Variants in BDH2 observed in about 807,000 individuals in gnomAD.
The protein encoded by BDH2 is dehydrogenase/reductase SDR family member 6.
Under a neutral mutation model 33.2 loss-of-function variants are expected in BDH2, and 24 were observed. The observed-to-expected ratio is 0.72, with a 90% CI of 0.52 to 1.02. BDH2 has a LOEUF of 1.02. Ranked by LOEUF, BDH2 falls within the 50% of genes least tolerant of loss-of-function variation. The pLI is 0.00. For synonymous variants in BDH2, 81 were observed against 101.6 expected (o/e 0.80, Z 1.22); for missense variants, 249 against 301.6 (o/e 0.83, Z 1.29).
At chr4:103,085,736 C>CA (rs1389735107) in intron 6 of BDH2, 1 of 1,386,768 alleles carries the variant, frequency 7.2e-7, no homozygotes, top group Non-Finnish European at 9.5e-7. Context: ...CATCAGTTGC[C>CA]ATAACTCTTA....
intron 7 of BDH2, 130 bp downstream of exon 7, chr4:103,085,219 A>C: frequency 1.5e-6 from 1 of 681,150 alleles, no homozygotes; most frequent in Non-Finnish European, 2.5e-6. Flanking sequence ...GAGTCATTTT[A>C]TCTGTTGCAA....
At chr4:103,090,589 G>A (rs559658426) in intron 5 of BDH2, among the ~76,000 whole-genome samples, 2 of 152,330 alleles carry the variant, frequency 1.3e-5, no homozygotes, top group East Asian at 3.9e-4. Context: ...GGGTGACCTT[G>A]AGCAAGTTGT....
intron 4 of BDH2, chr4:103,091,876 A>C (rs1748115269): frequency 1.7e-5 from 7 of 421,640 alleles, no homozygotes; most frequent in South Asian, 1.2e-4. Flanking sequence ...AAGGAAAACA[A>C]GTGTCTGAAC....
At chr4:103,091,375 T>A in intron 4 of BDH2, 90 bp from the exon 5 acceptor site, 3 of 763,172 alleles carry the variant, frequency 3.9e-6, no homozygotes, top group Non-Finnish European at 6.8e-6. Context: ...CTTAGTGACT[T>A]AGACCACTGT....
intron 5 of BDH2, among the ~76,000 whole-genome samples, chr4:103,090,062 C>T (rs1748005348): frequency 1.3e-5 from 2 of 152,186 alleles, no homozygotes; most frequent in African/African-American, 4.8e-5. Flanking sequence ...AGCTCTTCTC[C>T]TGCCCAGACA....
Position 103,082,865 on chromosome 4 carries a change from A to G in BDH2, c.591+6T>C, listed in dbSNP as rs755443565. The G allele has an allele frequency of 6.2e-7, 1 of 1,604,182 alleles. No homozygotes were observed. Among genetic ancestry groups the G allele is most frequent in the Non-Finnish European group, 8.5e-7 (1 of 1,170,970 alleles). On this transcript the variant is annotated splice_donor_region_variant and intron_variant, in intron 8 of 9. Coordinates refer to ENST00000296424, the MANE Select transcript of BDH2 (RefSeq NM_020139.4). ...GGTTTAAATACATTTTAAATGCTAG[A>G]TGTACCTCTTCAGGATTTCCTCTGG...
intron 6 of BDH2, 85 bp from the exon 7 acceptor site, chr4:103,085,547 T>C: frequency 7.0e-7 from 1 of 1,435,622 alleles, no homozygotes; most frequent in Non-Finnish European, 9.5e-7. Context: ...GTTTTCCCAG[T>C]AGCCATTTTC....
intron 1 of BDH2, chr4:103,098,534 G>T (rs1748514211): frequency 6.6e-6 from 1 of 152,216 alleles, no homozygotes; most frequent in African/African-American, 2.4e-5. Flanking sequence ...ACCTTCTCGG[G>T]GCCGTTACAA....
At chr4:103,080,574 A>C (rs750059728) in intron 9 of BDH2, among the ~76,000 whole-genome samples, 2 of 152,240 alleles carry the variant, frequency 1.3e-5, no homozygotes, top group African/African-American at 4.8e-5. Flanking sequence ...ATAAAAGCTG[A>C]TAATATACAG....
chr4:103,087,867 C>T (rs1049494750), intron 5 of BDH2, among the ~76,000 whole-genome samples: 1 of 152,158 alleles, frequency 6.6e-6, no homozygotes, highest in Non-Finnish European at 1.5e-5. Flanking sequence ...GGACGAGTTT[C>T]TTTAGCAGCT....
chr4:103,086,223 A>G, intron 6 of BDH2: 1 of 1,242,590 alleles, frequency 8.0e-7, no homozygotes, highest in Non-Finnish European at 1.0e-6. Context: ...TCCCAGTTTG[A>G]TGTTCATTTC....
At position 103,077,991 on chromosome 4, in the gene BDH2, C is replaced by T. The variant is rs765372496; in HGVS notation, c.*1711G>A. On this transcript the variant is annotated 3_prime_UTR_variant, in exon 10 of 10. Coordinates refer to ENST00000296424, the MANE Select transcript of BDH2 (RefSeq NM_020139.4). ...TCCTTTTGTGTGAATTTTAATGTAC[C>T]GTCATCAACTGCATGATATTCTTCC... Among the ~76,000 whole-genome samples the T allele has an allele frequency of 2.0e-5, 3 of 152,098 alleles. No homozygotes were observed. The highest frequency in any genetic ancestry group is 4.4e-5 in the Non-Finnish European group (3 of 68,020).
At chr4:103,084,397 G>C (rs1216625762) in intron 7 of BDH2, among the ~76,000 whole-genome samples, 1 of 152,216 alleles carries the variant, frequency 6.6e-6, no homozygotes, top group African/African-American at 2.4e-5. Flanking sequence ...ACCATCAGCA[G>C]CATCTCAGAC....
rs377590697 is a variant in BDH2, at chr4:103,079,760, A to G, written c.685-5T>C. 121 of 1,612,602 alleles carry G rather than the reference A, an allele frequency of 7.5e-5. No homozygotes were observed. The highest frequency in any genetic ancestry group is 1.0e-4 in the Non-Finnish European group (119 of 1,178,700). On this transcript the variant is annotated splice_polypyrimidine_tract_variant and splice_region_variant and intron_variant, in intron 9 of 9. Transcript: ENST00000296424. ...GTTACCAGTTACATAAGCAGACTGC[A>G]GTGATAAACACAAGGAGACAGAACA... is the stretch of plus-strand genomic sequence containing the variant.
rs745608786 is a variant in BDH2, at chr4:103,077,668, A to G, written c.*2034T>C. On this transcript the variant is annotated 3_prime_UTR_variant, in exon 10 of 10. Transcript: ENST00000296424. ...ATTTGTTCATAGCTATACATATATT[A>G]TACATGTATACCTGCTCACAGCATA... Among the ~76,000 whole-genome samples, 58 of 152,222 alleles carry G rather than the reference A, an allele frequency of 3.8e-4. 1 individual carries two copies. The highest frequency in any genetic ancestry group is 7.9e-4 in the Non-Finnish European group (54 of 68,046).
intron 1 of BDH2, among the ~76,000 whole-genome samples, chr4:103,096,960 G>A (rs933345122): frequency 7.9e-5 from 12 of 152,160 alleles, no homozygotes; most frequent in Non-Finnish European, 2.9e-5. Context: ...ACATTGCTAT[G>A]ACATTATTTG....
At chr4:103,088,471 G>C (rs960901982) in intron 5 of BDH2, among the ~76,000 whole-genome samples, 1 of 152,146 alleles carries the variant, frequency 6.6e-6, no homozygotes, top group Admixed American at 6.5e-5. Flanking sequence ...TTCAACCGAG[G>C]TCCCTCTGCT....
chr4:103,096,602 G>C (rs1453786372), intron 1 of BDH2, among the ~76,000 whole-genome samples: 1 of 148,102 alleles, frequency 6.8e-6, no homozygotes, highest in Non-Finnish European at 1.5e-5. Flanking sequence ...GTGTAATGGA[G>C]TGATCTCGGC....
chr4:103,092,555 G>T (rs1184069640), intron 4 of BDH2, 45 bp downstream of exon 4: 4 of 1,344,420 alleles, frequency 3.0e-6, no homozygotes, highest in Non-Finnish European at 4.2e-6. Flanking sequence ...GAAAGTCATA[G>T]AAAACTTTCT....
Sources: allele counts gnomAD v4.1 joint callset (sites outside exome capture counted in the v4.1 genomes callset), GRCh38; gene constraint gnomAD v4.1.1; transcripts MANE v1.5; gene names NCBI Gene and HGNC (gene_info 2026-07-23, HGNC 2026-07-21).